HSF5: variants seen among roughly 807,000 people sequenced by gnomAD.
The protein encoded by HSF5 is heat shock factor protein 5.
A neutral mutation model predicts 50.8 loss-of-function variants in HSF5; 5 were observed. That is an observed-to-expected ratio of 0.10 (90% confidence interval 0.05 to 0.21). HSF5 has a LOEUF of 0.21. HSF5 is among the 10% of genes least tolerant of loss of function. The probability of loss-of-function intolerance (pLI) is 1.00; values close to 1 mark genes in which losing one functional copy is unlikely to be tolerated. For synonymous variants in HSF5, 307 were observed against 307.4 expected, an observed-to-expected ratio of 1.00 and a Z score of 0.02; for missense variants, 564 against 762.6, an observed-to-expected ratio of 0.74 and a Z score of 3.07.
At position 58,477,310 on chromosome 17, in the gene HSF5, C is replaced by T. The variant is rs1440354652; in HGVS notation, c.925+2583G>A. On this transcript the variant is annotated intron_variant, in intron 2 of 5. Transcript: ENST00000323777. The stretch of plus-strand genomic sequence containing the variant: ...AATTTTTGTATTTTTTTGGTAGAGA[C>T]GGGGTTTCACTATGTTAACCAGGCT... 5.3e-5 allele frequency among the ~76,000 whole-genome samples: 8 copies of T among 151,434 alleles called. No homozygotes were observed. The South Asian group carries it at 6.3e-4, about 12-fold the overall frequency.
chr17:58,469,616 G>A (rs1035661335), intron 2 of HSF5, among the ~76,000 whole-genome samples: 2 of 152,044 alleles, frequency 1.3e-5, no homozygotes, highest in African/African-American at 4.8e-5. Context: ...GAAAACCTAG[G>A]CATAGAAATT....
chr17:58,426,223 T>C (rs1974294850), intron 5 of HSF5, among the ~76,000 whole-genome samples: 1 of 152,156 alleles, frequency 6.6e-6, no homozygotes. Flanking sequence ...CCACTGAATT[T>C]TAATAATTGG....
At chr17:58,464,572 C>CA (rs1362741112) in intron 3 of HSF5, among the ~76,000 whole-genome samples, 1 of 152,170 alleles carries the variant, frequency 6.6e-6, no homozygotes, top group Non-Finnish European at 1.5e-5. Context: ...TTTTCTATTT[C>CA]AAAATTTTAT....
intron 5 of HSF5, among the ~76,000 whole-genome samples, chr17:58,422,762 C>T (rs1974243979): frequency 6.8e-6 from 1 of 147,208 alleles, no homozygotes; most frequent in South Asian, 2.1e-4. Context: ...GCGGCACAAT[C>T]TCGGCTCGCT....
chr17:58,424,295 C>T (rs561519307), intron 5 of HSF5, among the ~76,000 whole-genome samples: 54 of 152,134 alleles, frequency 3.5e-4, no homozygotes, highest in Middle Eastern at 3.4e-3. Flanking sequence ...ACACATATAA[C>T]GGAATGTTAT....
chr17:58,483,598 A>G (rs1363758380), intron 1 of HSF5, among the ~76,000 whole-genome samples: 1 of 152,228 alleles, frequency 6.6e-6, no homozygotes, highest in African/African-American at 2.4e-5. Context: ...AATTCCCAGG[A>G]AAGAATCCAA....
chr17:58,448,625 G>A (rs940308495), intron 5 of HSF5, among the ~76,000 whole-genome samples: 1 of 152,156 alleles, frequency 6.6e-6, no homozygotes, highest in South Asian at 2.1e-4. Context: ...CAAGAATACT[G>A]TACCTAGCAA....
intron 1 of HSF5, among the ~76,000 whole-genome samples, chr17:58,485,849 C>T (rs1458607987): frequency 6.6e-6 from 1 of 152,056 alleles, no homozygotes; most frequent in Admixed American, 6.6e-5. Context: ...GGCGGATCAC[C>T]TGAGGTCAGG....
At chr17:58,429,530 T>C (rs1974337365) in intron 5 of HSF5, among the ~76,000 whole-genome samples, 1 of 150,778 alleles carries the variant, frequency 6.6e-6, no homozygotes, top group African/African-American at 2.4e-5. Context: ...CAAGACCCTG[T>C]CTAAAAAAAT....
intron 2 of HSF5, among the ~76,000 whole-genome samples, chr17:58,470,586 T>C (rs1598198325): frequency 1.3e-5 from 2 of 152,198 alleles, no homozygotes; most frequent in Admixed American, 1.3e-4. Context: ...TTGCACAATA[T>C]TGTGAATATA....
At chr17:58,479,820 G>T (rs1209062252) in intron 2 of HSF5, 73 bp downstream of exon 2, 5 of 1,297,726 alleles carry the variant, frequency 3.9e-6, no homozygotes, top group Non-Finnish European at 4.2e-6. Context: ...ACATTAAAAT[G>T]CATTTAAAAT....
chr17:58,430,715 AG>A (rs1343932027), intron 5 of HSF5, among the ~76,000 whole-genome samples: 1 of 152,130 alleles, frequency 6.6e-6, no homozygotes, highest in Non-Finnish European at 1.5e-5. Flanking sequence ...CTACACTGCC[AG>A]GGTCTCCAGC....
intron 2 of HSF5, among the ~76,000 whole-genome samples, chr17:58,475,622 A>C (rs1403194335): frequency 6.6e-6 from 1 of 152,184 alleles, no homozygotes; most frequent in Non-Finnish European, 1.5e-5. Context: ...AAACATCTCA[A>C]ACCCACCCTT....
intron 5 of HSF5, among the ~76,000 whole-genome samples, chr17:58,432,070 A>T (rs573099993): frequency 4.0e-4 from 61 of 152,268 alleles, no homozygotes; most frequent in African/African-American, 1.5e-3. Flanking sequence ...TAAGATGGTA[A>T]ATTTTATGAG....
Position 58,422,393 on chromosome 17 carries a change from C to T in HSF5, c.1758G>A (p.Glu586=). Residue 586 remains glutamate, a synonymous_variant, in exon 6 of 6, where the codon GAG becomes GAA. Coordinates refer to ENST00000323777, the MANE Select transcript of HSF5 (RefSeq NM_001080439.3). ...TTAATTCTTCCTCCTTTGGAAAGCG[C>T]TCCTGCTTGCAGGCCACGTCCACCA... ...HLLVDVACKQ[E]RFPKEEELKE The T allele has an allele frequency of 6.2e-7, 1 of 1,614,112 alleles. No homozygotes were observed. Among genetic ancestry groups the T allele is most frequent in the Non-Finnish European group, 8.5e-7 (1 of 1,179,956 alleles).
intron 5 of HSF5, among the ~76,000 whole-genome samples, chr17:58,439,593 T>G (rs1974473326): frequency 6.6e-6 from 1 of 152,100 alleles, no homozygotes; most frequent in African/African-American, 2.4e-5. Flanking sequence ...CAAGCAATTC[T>G]CCTGCCTTAG....
intron 2 of HSF5, chr17:58,476,868 GTT>G: frequency 2.6e-6 from 3 of 1,175,264 alleles, no homozygotes; most frequent in Non-Finnish European, 1.2e-6. Context: ...GCTTCTTGCT[GTT>G]TTTTTTTTCC....
At chr17:58,483,230 C>A (rs1387421232) in intron 1 of HSF5, among the ~76,000 whole-genome samples, 1 of 152,148 alleles carries the variant, frequency 6.6e-6, no homozygotes, top group African/African-American at 2.4e-5. Flanking sequence ...GAATTCCCTA[C>A]CTTAAATTGT....
chr17:58,436,142 GCTTT>G (rs1974424834), intron 5 of HSF5, among the ~76,000 whole-genome samples: 2 of 152,168 alleles, frequency 1.3e-5, no homozygotes, highest in Admixed American at 1.3e-4. Flanking sequence ...AACACCAAAA[GCTTT>G]CTTTCTAACC....
Sources: allele counts gnomAD v4.1 joint callset (sites outside exome capture counted in the v4.1 genomes callset), GRCh38; gene constraint gnomAD v4.1.1; transcripts MANE v1.5; gene names NCBI Gene and HGNC (gene_info 2026-07-23, HGNC 2026-07-21).